Variants in ERBB4 observed in about 807,000 individuals in gnomAD.
The protein encoded by ERBB4 is erb-b2 receptor tyrosine kinase 4, also known as receptor tyrosine-protein kinase erbB-4.
ERBB4 carries 42 observed loss-of-function variants against 158.0 expected under a neutral mutation model. That is an observed-to-expected ratio of 0.27 (90% CI 0.21 to 0.34). ERBB4 has a LOEUF of 0.34. Among genes scored for constraint, ERBB4 ranks in the 10% least tolerant of loss-of-function variants. The pLI, the probability that ERBB4 is intolerant of heterozygous loss-of-function variation, is 1.00. For synonymous variants in ERBB4, 583 were observed against 558.7 expected, an observed-to-expected ratio of 1.04 and a Z score of -0.61; for missense variants, 1,333 against 1,624.1, an observed-to-expected ratio of 0.82 and a Z score of 3.08.
intron 2 of ERBB4, among the ~76,000 whole-genome samples, chr2:211,962,753 T>A (rs1472734681): frequency 6.6e-6 from 1 of 152,188 alleles, no homozygotes; most frequent in South Asian, 2.1e-4. Context: ...ACAAAAATAC[T>A]TCATGACTTA....
intron 19 of ERBB4, among the ~76,000 whole-genome samples, chr2:211,588,265 T>C (rs1405833858): frequency 1.3e-5 from 2 of 152,148 alleles, no homozygotes; most frequent in East Asian, 3.8e-4. Flanking sequence ...TTGAGTAAAC[T>C]GAGATAATAT....
intron 1 of ERBB4, among the ~76,000 whole-genome samples, chr2:212,455,883 T>C (rs1200370680): frequency 6.6e-6 from 1 of 152,140 alleles, no homozygotes; most frequent in Non-Finnish European, 1.5e-5. Flanking sequence ...GAGCACTTAT[T>C]ATGTTCAAGG....
intron 15 of ERBB4, among the ~76,000 whole-genome samples, chr2:211,663,970 T>C (rs1411220807): frequency 6.6e-6 from 1 of 152,162 alleles, no homozygotes; most frequent in African/African-American, 2.4e-5. Context: ...ACCTCTAGTT[T>C]CCTTGAAGCA....
intron 3 of ERBB4, among the ~76,000 whole-genome samples, chr2:211,813,860 C>T (rs894278534): frequency 1.9e-4 from 29 of 152,044 alleles, no homozygotes; most frequent in Non-Finnish European, 2.8e-4. Flanking sequence ...AATCAAGAAC[C>T]TTAAATTAGT....
chr2:211,794,266 G>T (rs1387333898), intron 3 of ERBB4, among the ~76,000 whole-genome samples: 4 of 151,876 alleles, frequency 2.6e-5, no homozygotes, highest in African/African-American at 9.7e-5. Context: ...TGAGAGGTTT[G>T]CTATGACCAC....
At chr2:211,422,749 C>T (rs1226703605) in intron 23 of ERBB4, among the ~76,000 whole-genome samples, 7 of 151,828 alleles carry the variant, frequency 4.6e-5, no homozygotes, top group Non-Finnish European at 7.4e-5. Flanking sequence ...GGTATTAAAA[C>T]CCCGAAAGAA....
At chr2:211,927,126 G>A (rs2125090129) in intron 3 of ERBB4, among the ~76,000 whole-genome samples, 1 of 152,220 alleles carries the variant, frequency 6.6e-6, no homozygotes, top group East Asian at 1.9e-4. Context: ...TGATATGATT[G>A]TAAATGACTA....
At chr2:211,448,957 G>T (rs1195417798) in intron 20 of ERBB4, among the ~76,000 whole-genome samples, 5 of 152,030 alleles carry the variant, frequency 3.3e-5, no homozygotes, top group African/African-American at 7.2e-5. Context: ...ATATATTTCA[G>T]TGTTCTCTAT....
intron 2 of ERBB4, among the ~76,000 whole-genome samples, chr2:212,043,605 T>G (rs1019606999): frequency 3.9e-5 from 6 of 152,290 alleles, no homozygotes; most frequent in African/African-American, 1.4e-4. Flanking sequence ...AAGGATCTTA[T>G]ATTGATTTTC....
At chr2:212,008,939 G>A (rs1278608412) in intron 2 of ERBB4, among the ~76,000 whole-genome samples, 1 of 152,142 alleles carries the variant, frequency 6.6e-6, no homozygotes, top group Admixed American at 6.6e-5. Flanking sequence ...CTTAGCCCCT[G>A]TGGACAGAGT....
chr2:212,305,538 T>C (rs1278192098), intron 1 of ERBB4, among the ~76,000 whole-genome samples: 1 of 151,208 alleles, frequency 6.6e-6, no homozygotes, highest in Non-Finnish European at 1.5e-5. Context: ...ATACATTTTC[T>C]CTATCAAGGG....
At chr2:212,421,784 T>C (rs2091797885) in intron 1 of ERBB4, among the ~76,000 whole-genome samples, 1 of 152,186 alleles carries the variant, frequency 6.6e-6, no homozygotes, top group Non-Finnish European at 1.5e-5. Flanking sequence ...CTGACCTGAT[T>C]GCATAGCTCT....
chr2:211,787,890 C>T (rs896534084), intron 4 of ERBB4, 135 bp downstream of exon 4: 5 of 777,294 alleles, frequency 6.4e-6, no homozygotes, highest in African/African-American at 3.5e-5. Flanking sequence ...GCCATTTGTT[C>T]TGCCATATAT....
intron 1 of ERBB4, among the ~76,000 whole-genome samples, chr2:212,377,062 T>C (rs761008738): frequency 6.6e-6 from 1 of 151,804 alleles, no homozygotes; most frequent in African/African-American, 2.4e-5. Context: ...TGTACATGGA[T>C]ATTGTTTTGT....
At chr2:211,722,639 A>G in intron 6 of ERBB4, 105 bp from the exon 7 acceptor site, 1 of 1,156,530 alleles carries the variant, frequency 8.6e-7, no homozygotes, top group Non-Finnish European at 1.3e-6. Flanking sequence ...AATTCCACAA[A>G]TATTACAAAA....
chr2:211,708,282 A>T (rs2073528306), intron 9 of ERBB4, among the ~76,000 whole-genome samples: 1 of 152,152 alleles, frequency 6.6e-6, no homozygotes, highest in Non-Finnish European at 1.5e-5. Flanking sequence ...ATCATAATTC[A>T]TTTATATGTT....
intron 1 of ERBB4, among the ~76,000 whole-genome samples, chr2:212,288,240 G>A (rs372013803): frequency 1.3e-5 from 2 of 152,126 alleles, no homozygotes; most frequent in African/African-American, 4.8e-5. Context: ...GCTTGTGCTA[G>A]TTTAGACTAG....
At chr2:211,983,862 T>C in intron 2 of ERBB4, among the ~76,000 whole-genome samples, 1 of 152,316 alleles carries the variant, frequency 6.6e-6, no homozygotes, top group Middle Eastern at 3.4e-3. Flanking sequence ...TTAATGATAA[T>C]GTATAAAAAT....
chr2:212,244,330 A>G (rs927087406), intron 1 of ERBB4, among the ~76,000 whole-genome samples: 6 of 152,150 alleles, frequency 3.9e-5, no homozygotes, highest in African/African-American at 1.4e-4. Context: ...AAAGACTGTT[A>G]GTTTTACTCT....
Sources: allele counts gnomAD v4.1 joint callset (sites outside exome capture counted in the v4.1 genomes callset), GRCh38; gene constraint gnomAD v4.1.1; transcripts MANE v1.5; gene names NCBI Gene and HGNC (gene_info 2026-07-23, HGNC 2026-07-21).